The following TCF12 variants were observed in gnomAD, a reference collection of about 807,000 sequenced individuals.
The protein encoded by TCF12 is transcription factor 12, also known as DNA-binding protein HTF4.
A neutral mutation model predicts 86.0 loss-of-function variants in TCF12; 45 were observed. That is an observed-to-expected ratio of 0.52 (90% CI 0.41 to 0.67). TCF12 has a LOEUF of 0.67. Among genes scored for constraint, TCF12 ranks in the 30% least tolerant of loss-of-function variants. The pLI is 0.00. For synonymous variants in TCF12, 330 were observed against 299.6 expected, an observed-to-expected ratio of 1.10 and a Z score of -1.05; for missense variants, 881 against 859.9, an observed-to-expected ratio of 1.02 and a Z score of -0.31.
At chr15:57,116,539 G>T (rs1304299241) in intron 5 of TCF12, among the ~76,000 whole-genome samples, 1 of 151,998 alleles carries the variant, frequency 6.6e-6, no homozygotes, top group Non-Finnish European at 1.5e-5. Flanking sequence ...TAGAGACAGG[G>T]TTTTGCAGTG....
intron 7 of TCF12, among the ~76,000 whole-genome samples, chr15:57,195,885 G>A (rs2057239576): frequency 6.6e-6 from 1 of 152,242 alleles, no homozygotes; most frequent in Non-Finnish European, 1.5e-5. Context: ...CACACCTGTA[G>A]TCTAGCTACT....
At chr15:57,291,267 T>G (rs916789902), downstream of TCF12, 1 of 152,234 alleles carries the variant, frequency 6.6e-6, no homozygotes, top group Non-Finnish European at 1.5e-5. Flanking sequence ...CAATCATCTC[T>G]ACTCATAATA....
At chr15:57,048,250 GTTTGTTTTGTTTTGT>G (rs140195356) in intron 3 of TCF12, among the ~76,000 whole-genome samples, 22 of 151,632 alleles carry the variant, frequency 1.5e-4, no homozygotes, top group Non-Finnish European at 2.7e-4. Flanking sequence ...TTGTTTGTTT[GTTTGTTTTGTTTTGT>G]TTTGTTTTGT....
chr15:56,940,171 T>A (rs1199788684), intron 3 of TCF12, among the ~76,000 whole-genome samples: 1 of 151,734 alleles, frequency 6.6e-6, no homozygotes, highest in Admixed American at 6.6e-5. Flanking sequence ...TTTAGTCCAG[T>A]TGGGCCAGGG....
At chr15:57,247,855 A>G in intron 13 of TCF12, 1 of 757,106 alleles carries the variant, frequency 1.3e-6, no homozygotes, top group Non-Finnish European at 2.4e-6. Flanking sequence ...TCATTACCAC[A>G]CAATCTGTGA....
At chr15:57,276,671 A>G (rs1463621540) in intron 19 of TCF12, among the ~76,000 whole-genome samples, 1 of 152,246 alleles carries the variant, frequency 6.6e-6, no homozygotes, top group East Asian at 1.9e-4. Context: ...TAGCTTATAG[A>G]TAAAGAAACA....
chr15:57,272,805 A>G (rs2061203575), intron 18 of TCF12, among the ~76,000 whole-genome samples: 1 of 152,242 alleles, frequency 6.6e-6, no homozygotes, highest in African/African-American at 2.4e-5. Context: ...GCAATGAAAA[A>G]TGCACTTAAG....
chr15:57,154,860 A>C (rs1383916974), intron 5 of TCF12, among the ~76,000 whole-genome samples: 1 of 152,236 alleles, frequency 6.6e-6, no homozygotes, highest in African/African-American at 2.4e-5. Context: ...ATATATAGTC[A>C]ATATAGTATT....
At chr15:57,152,921 A>G (rs1229797433) in intron 5 of TCF12, among the ~76,000 whole-genome samples, 1 of 152,020 alleles carries the variant, frequency 6.6e-6, no homozygotes, top group African/African-American at 2.4e-5. Context: ...ACCAAAGATG[A>G]GAAAATCTTG....
At chr15:57,190,880 GA>G (rs1261287288) in intron 6 of TCF12, among the ~76,000 whole-genome samples, 38 of 152,096 alleles carry the variant, frequency 2.5e-4, no homozygotes. Flanking sequence ...TTAAGAATCT[GA>G]AAAAGATGGG....
At chr15:57,247,189 A>G in intron 13 of TCF12, 3 of 601,292 alleles carry the variant, frequency 5.0e-6, no homozygotes, top group Non-Finnish European at 9.2e-6. Context: ...CATCACCATC[A>G]TAGCCCCCTC....
At chr15:56,954,787 A>G (rs953758496) in intron 3 of TCF12, among the ~76,000 whole-genome samples, 3 of 152,204 alleles carry the variant, frequency 2.0e-5, no homozygotes, top group Non-Finnish European at 4.4e-5. Flanking sequence ...TCAAAATAAG[A>G]TATCTGTGCA....
chr15:57,086,051 G>T (rs1302378097), intron 4 of TCF12, among the ~76,000 whole-genome samples: 1 of 151,894 alleles, frequency 6.6e-6, no homozygotes, highest in African/African-American at 2.4e-5. Flanking sequence ...TAAAGATTTA[G>T]CAGCTAAAAC....
intron 18 of TCF12, among the ~76,000 whole-genome samples, chr15:57,266,056 A>C (rs2060850431): frequency 6.6e-6 from 1 of 151,858 alleles, no homozygotes; most frequent in South Asian, 2.1e-4. Context: ...GGGCCTACCC[A>C]GCTCACTGCC....
chr15:57,115,092 T>C (rs192641116), intron 5 of TCF12, among the ~76,000 whole-genome samples: 9 of 152,350 alleles, frequency 5.9e-5, no homozygotes, highest in East Asian at 1.9e-4. Context: ...ATTTGTTCTC[T>C]TTCTGTAGTT....
intron 3 of TCF12, among the ~76,000 whole-genome samples, chr15:57,045,013 A>G (rs1247951941): frequency 6.6e-6 from 1 of 152,228 alleles, no homozygotes. Flanking sequence ...AGTAGAAATT[A>G]TTCAGTAGTG....
intron 8 of TCF12, among the ~76,000 whole-genome samples, chr15:57,221,986 T>C (rs1397584587): frequency 6.6e-6 from 1 of 152,058 alleles, no homozygotes; most frequent in Non-Finnish European, 1.5e-5. Flanking sequence ...AAGTGAAATA[T>C]ATGTCTTCAC....
intron 3 of TCF12, among the ~76,000 whole-genome samples, chr15:57,059,424 T>G (rs1429750017): frequency 6.6e-6 from 1 of 152,188 alleles, no homozygotes; most frequent in Non-Finnish European, 1.5e-5. Flanking sequence ...GCTGTCTCCC[T>G]GTTTCATCCT....
intron 4 of TCF12, among the ~76,000 whole-genome samples, chr15:57,071,470 C>A (rs1052057041): frequency 2.0e-5 from 3 of 151,984 alleles, no homozygotes; most frequent in Admixed American, 2.0e-4. Flanking sequence ...CATGGCAAAA[C>A]CCCATCTCTT....
Sources: allele counts gnomAD v4.1 joint callset (sites outside exome capture counted in the v4.1 genomes callset), GRCh38; gene constraint gnomAD v4.1.1; transcripts MANE v1.5; gene names NCBI Gene and HGNC (gene_info 2026-07-23, HGNC 2026-07-21).